The following RELN variants were observed in gnomAD, a reference collection of about 807,000 sequenced individuals.
The protein encoded by RELN is reelin.
RELN carries 108 observed loss-of-function variants against 427.6 expected under a neutral mutation model. That is an observed-to-expected ratio of 0.25 (90% CI 0.22 to 0.30). The LOEUF is 0.30. Among genes scored for constraint, RELN ranks in the 10% least tolerant of loss-of-function variants. The pLI is 1.00. For synonymous variants in RELN, 1,524 were observed against 1,513.4 expected (o/e 1.01, Z -0.16); for missense variants, 3,715 against 4,302.8 (o/e 0.86, Z 3.82).
rs899721688 is a variant in RELN at position 103,669,721 on chromosome 7, T to C, written c.1290-8194A>G. Among the ~76,000 whole-genome samples the C allele has an allele frequency of 2.6e-5, 4 of 152,224 alleles. No individual in the cohort carries two copies. In the East Asian group the frequency reaches 7.7e-4, roughly 29 times the overall value. On this transcript the variant is annotated intron_variant, in intron 11 of 64. Coordinates refer to ENST00000428762, the MANE Select transcript of RELN (RefSeq NM_005045.4). ...AATTTTCCTCCAAAGGTATGTTACTTCTCTGTGGTTTAAATTATGCTTTCC... is the reference window on the plus strand; with the variant it reads ...AATTTTCCTCCAAAGGTATGTTACTCCTCTGTGGTTTAAATTATGCTTTCC...
intron 2 of RELN, among the ~76,000 whole-genome samples, chr7:103,841,461 A>G (rs1001643219): frequency 6.6e-6 from 1 of 152,188 alleles, no homozygotes; most frequent in Non-Finnish European, 1.5e-5. Flanking sequence ...ATTATACTTC[A>G]GCAAGATTTG....
intron 1 of RELN, among the ~76,000 whole-genome samples, chr7:103,940,207 A>AC (rs1796082648): frequency 6.6e-6 from 1 of 152,216 alleles, no homozygotes; most frequent in East Asian, 1.9e-4. Flanking sequence ...GCGCTCCAAG[A>AC]CCAAGTTTCA....
At chr7:103,979,987 C>A (rs1281164957) in intron 1 of RELN, among the ~76,000 whole-genome samples, 2 of 151,972 alleles carry the variant, frequency 1.3e-5, no homozygotes, top group African/African-American at 2.4e-5. Context: ...CATGGAGAAA[C>A]CCTGTCTCTA....
At chr7:103,922,698 C>T (rs7792066) in intron 1 of RELN, among the ~76,000 whole-genome samples, 60,726 of 151,874 alleles carry the variant, frequency 0.4, 12,442 homozygotes, top group African/African-American at 0.51. Context: ...ACATTCCCCA[C>T]GAGACCCTAA....
intron 11 of RELN, among the ~76,000 whole-genome samples, chr7:103,662,431 C>A (rs1833163672): frequency 6.6e-6 from 1 of 152,020 alleles, no homozygotes; most frequent in Non-Finnish European, 1.5e-5. Flanking sequence ...ACCATCCTGG[C>A]TAACAGGGTG....
At chr7:103,682,985 G>C (rs889698904) in intron 10 of RELN, among the ~76,000 whole-genome samples, 1 of 151,970 alleles carries the variant, frequency 6.6e-6, no homozygotes, top group African/African-American at 2.4e-5. Flanking sequence ...TTTGGAGATA[G>C]TAAATGTTAG....
At chr7:103,870,452 G>A (rs970597351) in intron 2 of RELN, among the ~76,000 whole-genome samples, 3 of 151,856 alleles carry the variant, frequency 2.0e-5, no homozygotes, top group Non-Finnish European at 4.4e-5. Flanking sequence ...TTGCTAGGAT[G>A]GATCTCTAGA....
At chr7:103,863,676 A>G (rs1794125252) in intron 2 of RELN, among the ~76,000 whole-genome samples, 1 of 152,156 alleles carries the variant, frequency 6.6e-6, no homozygotes, top group East Asian at 1.9e-4. Context: ...AGGTGCATTC[A>G]GGACATTTCC....
chr7:103,776,881 T>C lies in RELN; in HGVS notation c.474-254A>G, dbSNP rs572755992. ...GTGAGCTTGTTCTGAAAACAGCAGA[T>C]GTGCGTAAAGCCTATAGAATAAAAA... On this transcript the variant is annotated intron_variant, in intron 3 of 64. Transcript: ENST00000428762. Among the ~76,000 whole-genome samples, 75 of 151,492 alleles carry C rather than the reference T, an allele frequency of 5.0e-4. 1 individual carries two copies. The highest frequency in any genetic ancestry group is 1.1e-3 in the Admixed American group (16 of 15,218).
chr7:103,789,808 T>C (rs1470438167), intron 3 of RELN, among the ~76,000 whole-genome samples: 2 of 152,192 alleles, frequency 1.3e-5, no homozygotes, highest in Non-Finnish European at 2.9e-5. Context: ...AGAAATACCA[T>C]TGCACCCAGC....
intron 51 of RELN, among the ~76,000 whole-genome samples, chr7:103,505,509 A>G (rs1829179209): frequency 6.6e-6 from 1 of 152,226 alleles, no homozygotes; most frequent in South Asian, 2.1e-4. Context: ...AACAAACAGA[A>G]AGGAATAGTA....
At chr7:103,747,667 T>C (rs1313065887) in intron 6 of RELN, among the ~76,000 whole-genome samples, 1 of 146,284 alleles carries the variant, frequency 6.8e-6, no homozygotes, top group Non-Finnish European at 1.5e-5. Flanking sequence ...TTTTTTGGAA[T>C]CTTAAAGAGG....
rs1403255073 is a variant in RELN at position 103,596,748 on chromosome 7, T to G, written c.3334-87A>C. On this transcript the variant is annotated intron_variant, in intron 24 of 64. Transcript: ENST00000428762. ...TCAGTTCCAAATTCACATGGACATCTTAGCACTATGTGGAAATGGTCTCGT... is the reference window on the plus strand; with the variant it reads ...TCAGTTCCAAATTCACATGGACATCGTAGCACTATGTGGAAATGGTCTCGT... 5.4e-6 allele frequency: 6 copies of G among 1,118,122 alleles called. No homozygotes were observed. In the Admixed American group the frequency reaches 1.1e-4, roughly 20 times the overall value. The allele number at this position is 1,118,122 out of a possible 1,614,324, so 69.3% of individuals were successfully genotyped here.
chr7:103,692,281 T>A (rs1300436181), intron 10 of RELN, among the ~76,000 whole-genome samples: 1 of 152,144 alleles, frequency 6.6e-6, no homozygotes, highest in Non-Finnish European at 1.5e-5. Flanking sequence ...ATGCATGATC[T>A]GCCTGAGAGA....
chr7:103,629,216 A>G (rs1832398032), intron 20 of RELN, among the ~76,000 whole-genome samples: 1 of 152,184 alleles, frequency 6.6e-6, no homozygotes. Context: ...CCAGCTCCTG[A>G]GCCTACTCAA....
At chr7:103,523,299 TG>T in intron 47 of RELN, 91 bp downstream of exon 47, 1 of 1,401,498 alleles carries the variant, frequency 7.1e-7, no homozygotes, top group Middle Eastern at 1.8e-4. Flanking sequence ...TAAGGAAGCA[TG>T]GGAGTGATTC....
chr7:103,499,585 TTC>T (rs1828954856), intron 53 of RELN, among the ~76,000 whole-genome samples: 2 of 147,638 alleles, frequency 1.4e-5, no homozygotes, highest in African/African-American at 5.4e-5. Context: ...TTTAAACAGT[TTC>T]TTTTTCTCAA....
At chr7:103,517,580 C>G (rs10262559) in intron 49 of RELN, among the ~76,000 whole-genome samples, 39,098 of 152,014 alleles carry the variant, frequency 0.26, 5,938 homozygotes, top group African/African-American at 0.43. Context: ...TGTTCAGGAA[C>G]TCACACTTGA....
At position 103,754,430 on chromosome 7, in the gene RELN, A is replaced by T. The variant is rs1051695051; in HGVS notation, c.545-1216T>A. On this transcript the variant is annotated intron_variant, in intron 4 of 64. Coordinates refer to ENST00000428762, the MANE Select transcript of RELN (RefSeq NM_005045.4). The stretch of plus-strand genomic sequence containing the variant: ...AATTAGGAAATCGTTATCAAGCAGG[A>T]GGTGGTGGAGTTACAAAAGGAAGAC... Among the ~76,000 whole-genome samples the T allele has an allele frequency of 4.0e-5, 6 of 151,728 alleles. No homozygotes were observed. The East Asian group carries it at 1.2e-3, about 29-fold the overall frequency.
Sources: gnomAD v4.1 joint callset for allele counts (sites outside exome capture counted in the v4.1 genomes callset) on GRCh38, gnomAD v4.1.1 for gene constraint, MANE v1.5 for transcripts, NCBI Gene and HGNC (gene_info 2026-07-23, HGNC 2026-07-21) for gene names.